RGS8: variants seen among roughly 807,000 people sequenced by gnomAD.
RGS8 encodes the protein regulator of G-protein signaling 8.
In RGS8, 8 loss-of-function variants were observed where a neutral mutation model predicts 21.7. That is an observed-to-expected ratio of 0.37 (90% CI 0.22 to 0.66). The LOEUF (loss-of-function observed/expected upper bound fraction) is 0.66, where lower values mean the gene tolerates loss of function less well. Among genes scored for constraint, RGS8 ranks in the 30% least tolerant of loss-of-function variants. The pLI, the probability that RGS8 is intolerant of heterozygous loss-of-function variation, is 0.59. For synonymous variants in RGS8, 80 were observed against 83.6 expected, an observed-to-expected ratio of 0.96 and a Z score of 0.24; for missense variants, 157 against 217.9, an observed-to-expected ratio of 0.72 and a Z score of 1.76.
intron 1 of RGS8, among the ~76,000 whole-genome samples, chr1:182,679,508 C>G (rs1452287014): frequency 6.6e-6 from 1 of 152,022 alleles, no homozygotes; most frequent in Non-Finnish European, 1.5e-5. Flanking sequence ...ATTTTCCTTC[C>G]TCTCTAATCT....
At chr1:182,698,988 A>C in the RGS8 span, among the ~76,000 whole-genome samples, 1 of 152,222 alleles carries the variant, frequency 6.6e-6, no homozygotes, top group African/African-American at 2.4e-5. Context: ...TATGCCTGAA[A>C]AATAGAGCCC....
At chr1:182,719,278 T>C in the RGS8 span, among the ~76,000 whole-genome samples, 1 of 151,920 alleles carries the variant, frequency 6.6e-6, no homozygotes, top group African/African-American at 2.4e-5. Context: ...CAGTTTTAAG[T>C]GAGAGGAGAA....
At chr1:182,647,063 T>C in intron 6 of RGS8, 146 bp from the exon 8 acceptor site, 2 of 681,290 alleles carry the variant, frequency 2.9e-6, no homozygotes, top group Non-Finnish European at 4.9e-6. Flanking sequence ...ATGGAGGTCA[T>C]CCCTTTTGAT....
the RGS8 span, among the ~76,000 whole-genome samples, chr1:182,696,485 G>A: frequency 6.6e-6 from 1 of 152,042 alleles, no homozygotes; most frequent in Non-Finnish European, 1.5e-5. Context: ...AGCCCCCCGA[G>A]TAGCTGGGAT....
At chr1:182,716,253 G>A in the RGS8 span, among the ~76,000 whole-genome samples, 148 of 151,736 alleles carry the variant, frequency 9.8e-4, no homozygotes, top group African/African-American at 3.5e-3. Flanking sequence ...AGCCTCCTGA[G>A]TAGCTGGGAC....
At chr1:182,687,718 A>G (rs768622199), upstream of RGS8, among the ~76,000 whole-genome samples, 3 of 152,270 alleles carry the variant, frequency 2.0e-5, no homozygotes, top group Non-Finnish European at 4.4e-5. Flanking sequence ...CCAAGTAAGT[A>G]TCTAGCATAT....
At chr1:182,695,712 A>G in the RGS8 span, among the ~76,000 whole-genome samples, 1 of 152,252 alleles carries the variant, frequency 6.6e-6, no homozygotes, top group Non-Finnish European at 1.5e-5. Context: ...AGTGGTTGAT[A>G]GACAATGCAG....
chr1:182,650,000 C>T (rs1330808715), intron 5 of RGS8, among the ~76,000 whole-genome samples: 1 of 151,622 alleles, frequency 6.6e-6, no homozygotes, highest in Non-Finnish European at 1.5e-5. Context: ...CAACCTGTGC[C>T]TCCCGGGTTC....
At chr1:182,707,509 C>T in the RGS8 span, among the ~76,000 whole-genome samples, 15 of 152,228 alleles carry the variant, frequency 9.9e-5, no homozygotes, top group Non-Finnish European at 1.8e-4. Flanking sequence ...CCTTTTCCTG[C>T]CCCCACCTCT....
At chr1:182,672,861 G>T, upstream of RGS8, 1 of 1,613,908 alleles carries the variant, frequency 6.2e-7, no homozygotes, top group Non-Finnish European at 8.5e-7. Context: ...CCAGAAGGAG[G>T]ACTCTCTTCC....
chr1:182,658,971 G>T (rs1663438622), intron 5 of RGS8, among the ~76,000 whole-genome samples: 1 of 152,242 alleles, frequency 6.6e-6, no homozygotes, highest in Admixed American at 6.5e-5. Context: ...TACTTCAGTA[G>T]TGTGATTAAC....
the RGS8 span, among the ~76,000 whole-genome samples, chr1:182,741,022 T>C: frequency 4.8e-4 from 73 of 151,810 alleles, 1 homozygote; most frequent in South Asian, 6.5e-3. Flanking sequence ...CTTTCTATTC[T>C]ACAAAACCGC....
intron 5 of RGS8, 90 bp from the exon 7 acceptor site, chr1:182,648,393 G>A (rs1216094758): frequency 7.3e-7 from 1 of 1,376,000 alleles, no homozygotes; most frequent in African/African-American, 1.4e-5. Context: ...ATAGTGTGAG[G>A]GTGCCCCTAA....
the RGS8 span, among the ~76,000 whole-genome samples, chr1:182,747,043 C>CTTTTTTTTTTTTTTTTTTTTTTTTTTTT: frequency 1.4e-3 from 30 of 21,050 alleles, 12 homozygotes; most frequent in South Asian, 2.5e-3. Context: ...CACTGCTGGT[C>CTTTTTTTTTTTTTTTTTTTTTTTTTTTT]TTTTTTTTTT....
the RGS8 span, among the ~76,000 whole-genome samples, chr1:182,744,361 G>A: frequency 1.3e-5 from 2 of 152,070 alleles, no homozygotes; most frequent in South Asian, 2.1e-4. Flanking sequence ...CTTGGCTCAA[G>A]CAATCCTCTC....
the RGS8 span, chr1:182,734,719 A>C: frequency 1.3e-5 from 2 of 152,218 alleles, no homozygotes; most frequent in Non-Finnish European, 2.9e-5. Context: ...TTAGGAACCA[A>C]GGAGTTATAA....
At chr1:182,648,381 T>C in intron 5 of RGS8, 78 bp from the exon 7 acceptor site, 2 of 1,465,768 alleles carry the variant, frequency 1.4e-6, no homozygotes, top group Admixed American at 3.6e-5. Context: ...AGAAAGGAAG[T>C]AATAGTGTGA....
chr1:182,643,959 C>T (rs1251502130), downstream of RGS8: 1 of 152,258 alleles, frequency 6.6e-6, no homozygotes, highest in Non-Finnish European at 1.5e-5. Context: ...AGGCCCAGGA[C>T]TGAGCAAGCC....
chr1:182,708,018 C>T, the RGS8 span, among the ~76,000 whole-genome samples: 1 of 152,126 alleles, frequency 6.6e-6, no homozygotes. Context: ...GGGATTATTT[C>T]TTTCAATCAT....
Sources: gnomAD v4.1 joint callset for allele counts (sites outside exome capture counted in the v4.1 genomes callset) on GRCh38, gnomAD v4.1.1 for gene constraint, MANE v1.5 for transcripts, NCBI Gene and HGNC (gene_info 2026-07-23, HGNC 2026-07-21) for gene names.